Variants in CTTN observed in about 807,000 individuals in gnomAD.
CTTN encodes the protein src substrate cortactin.
Under a neutral mutation model 84.0 loss-of-function variants are expected in CTTN, and 28 were observed. The observed-to-expected ratio is 0.33, with a 90% CI of 0.25 to 0.46. CTTN has a LOEUF of 0.46. Ranked by LOEUF, CTTN falls within the 20% of genes least tolerant of loss-of-function variation. CTTN has a pLI of 1.00. For missense variants in CTTN, 641 were observed against 723.8 expected, an observed-to-expected ratio of 0.89 and a Z score of 1.31; for synonymous variants, 301 against 288.8, an observed-to-expected ratio of 1.04 and a Z score of -0.43.
chr11:70,415,537 C>A, intron 6 of CTTN, 126 bp from the exon 7 acceptor site: 1 of 896,982 alleles, frequency 1.1e-6, no homozygotes, highest in Non-Finnish European at 1.8e-6. Flanking sequence ...GGCTTAGGAA[C>A]CCAGAGGTCA....
At chr11:70,414,707 G>T (rs950086450) in intron 6 of CTTN, 55 bp downstream of exon 6, 2 of 1,337,032 alleles carry the variant, frequency 1.5e-6, no homozygotes, top group African/African-American at 1.4e-5. Context: ...GGCGTTCCCC[G>T]TAGATCTGAG....
At chr11:70,414,152 T>C (rs946130843) in intron 5 of CTTN, among the ~76,000 whole-genome samples, 2 of 152,166 alleles carry the variant, frequency 1.3e-5, no homozygotes, top group Non-Finnish European at 2.9e-5. Flanking sequence ...GAGACCATCC[T>C]GGCTAACACG....
chr11:70,409,100 G>A (rs2058073694), intron 4 of CTTN, among the ~76,000 whole-genome samples: 1 of 152,014 alleles, frequency 6.6e-6, no homozygotes, highest in Admixed American at 6.6e-5. Flanking sequence ...TGCTCATAAG[G>A]GTATTGGGCG....
intron 17 of CTTN, 110 bp from the exon 18 acceptor site, chr11:70,434,916 G>A (rs1490616265): frequency 8.6e-7 from 1 of 1,157,740 alleles, no homozygotes; most frequent in Non-Finnish European, 1.3e-6. Context: ...ATCTCTGCAG[G>A]GGGCATCTCT....
rs1304157449 is a variant in CTTN at position 70,435,715 on chromosome 11, A to G, written c.*553A>G. 4.4e-6 allele frequency: 7 copies of G among 1,597,856 alleles called. No homozygotes were observed. Among genetic ancestry groups the G allele is most frequent in the Admixed American group, 3.3e-5 (2 of 59,932 alleles). On this transcript the variant is annotated 3_prime_UTR_variant, in exon 18 of 18. Coordinates refer to ENST00000301843, the MANE Select transcript of CTTN (RefSeq NM_005231.4). ...GCCATGTCAGATGGGAAATCTGCCT[A>G]TGTCATACCGTGACAGCCCGCAGGA...
At chr11:70,402,437 A>G (rs2057997738) in intron 1 of CTTN, among the ~76,000 whole-genome samples, 1 of 152,204 alleles carries the variant, frequency 6.6e-6, no homozygotes, top group African/African-American at 2.4e-5. Flanking sequence ...GAATAATTTT[A>G]TCACCTCAAA....
intron 13 of CTTN, among the ~76,000 whole-genome samples, chr11:70,428,632 A>T (rs551928840): frequency 6.6e-5 from 10 of 152,194 alleles, no homozygotes; most frequent in African/African-American, 2.2e-4. Flanking sequence ...CATTTTTGTC[A>T]CACACAATAT....
chr11:70,433,179 G>A lies in CTTN; in HGVS notation c.1345G>A (p.Glu449Lys). The part of the protein sequence containing the change: ...GTEPEPVYSM[E>K]AADYREASSQ... ...GGAGCCGGAGCCCGTGTACAGCATG[G>A]AGGCCGCTGACTACCGAGAGGCCAG... is the stretch of plus-strand genomic sequence containing the variant. The change falls in exon 16 of 18, where the codon GAG becomes AAG. Residue 449 changes from glutamate to lysine, a missense_variant. This residue lies in a region of CTTN where 289 missense variants were observed against 273.1 expected (regional missense o/e 1.06). Transcript: ENST00000301843. 6.2e-7 allele frequency: 1 copy of A among 1,613,688 alleles called. No individual in the cohort carries two copies. Among genetic ancestry groups the A allele is most frequent in the South Asian group, 1.1e-5 (1 of 91,080 alleles).
Position 70,415,686 on chromosome 11 carries a change from G to T in CTTN, c.426G>T (p.Gln142His), listed in dbSNP as rs1222995906. ...VDQSAVGFEY[Q>H]GKTEKHASQK... ...AGTCTGCTGTAGGCTTTGAATACCA[G>T]GGGAAGACTGAGAAGCATGCCTCCC... The change falls in exon 7 of 18, where the codon CAG (glutamine) becomes CAT (histidine). Residue 142 changes from glutamine to histidine, a missense_variant. Transcript: ENST00000301843. The T allele has an allele frequency of 5.0e-6, 8 of 1,614,174 alleles. No homozygotes were observed. Among genetic ancestry groups the T allele is most frequent in the Non-Finnish European group, 5.9e-6 (7 of 1,179,986 alleles).
chr11:70,429,665 C>G (rs552666740), intron 14 of CTTN, among the ~76,000 whole-genome samples: 1 of 152,240 alleles, frequency 6.6e-6, no homozygotes, highest in African/African-American at 2.4e-5. Context: ...CCAGCCCAGC[C>G]CCGCTCACCC....
chr11:70,426,354 T>C (rs2058300485), intron 13 of CTTN, among the ~76,000 whole-genome samples: 1 of 146,764 alleles, frequency 6.8e-6, no homozygotes, highest in African/African-American at 2.5e-5. Flanking sequence ...GAGCTTGCAG[T>C]GAGCGGAGTT....
Position 70,417,110 on chromosome 11 carries a change from C to T in CTTN, c.555C>T (p.His185=), listed in dbSNP as rs772820741. The T allele has an allele frequency of 6.8e-6, 11 of 1,613,858 alleles. No individual in the cohort carries two copies. Among genetic ancestry groups the T allele is most frequent in the African/African-American group, 4.0e-5 (3 of 74,906 alleles). The change falls in exon 8 of 18, where the codon CAC becomes CAT. Residue 185 remains histidine (H), a synonymous_variant. Coordinates refer to ENST00000301843, the MANE Select transcript of CTTN (RefSeq NM_005231.4). ...GFDYQGKTEK[H]ESQRDYSKGF... The stretch of plus-strand genomic sequence containing the variant: ...ACTACCAGGGCAAGACGGAGAAGCA[C>T]GAGTCACAGAGAGGTGGGGCGGACC...
At position 70,435,947 on chromosome 11, in the gene CTTN, G is replaced by A. The variant is rs921612546; in HGVS notation, c.*785G>A. On this transcript the variant is annotated 3_prime_UTR_variant, in exon 18 of 18. Coordinates refer to ENST00000301843, the MANE Select transcript of CTTN (RefSeq NM_005231.4). ...GACGCACAGTGCAGTTGAGGTCTGC[G>A]TCGGGCTTGGCTTTTCACAAAGGCT... is the stretch of plus-strand genomic sequence containing the variant. The A allele has an allele frequency of 7.7e-6, 11 of 1,437,408 alleles. No individual in the cohort carries two copies. In the Admixed American group the frequency reaches 8.7e-5, roughly 11 times the overall value. 89.0% of individuals were successfully genotyped at this position (1,437,408 alleles called of 1,614,324 possible). A position where few individuals can be genotyped will look rare whatever the true frequency, so the allele number is the denominator to read the frequency against.
intron 7 of CTTN, 185 bp downstream of exon 7, chr11:70,415,902 G>A (rs2058152865): frequency 9.6e-6 from 6 of 623,010 alleles, no homozygotes; most frequent in Middle Eastern, 4.5e-4. Context: ...CATGTTTCTG[G>A]ATCATCTGGA....
At chr11:70,431,412 C>A (rs1249589182) in intron 15 of CTTN, 132 bp downstream of exon 15, 1 of 956,234 alleles carries the variant, frequency 1.0e-6, no homozygotes, top group East Asian at 2.5e-5. Flanking sequence ...GCATTCCACG[C>A]CCGGAGAGGG....
intron 14 of CTTN, 101 bp from the exon 15 acceptor site, chr11:70,431,090 G>A: frequency 8.1e-7 from 1 of 1,236,950 alleles, no homozygotes; most frequent in Non-Finnish European, 1.2e-6. Context: ...CCTTTCCCCA[G>A]AGCATGCCTA....
At position 70,409,971 on chromosome 11, in the gene CTTN, C is replaced by T. The variant is rs763044435; in HGVS notation, c.291+11C>T. The T allele has an allele frequency of 6.8e-6, 11 of 1,613,618 alleles. No individual in the cohort carries two copies. The highest frequency in any genetic ancestry group is 3.3e-5 in the South Asian group (3 of 91,078). On this transcript the variant is annotated intron_variant, in intron 5 of 17. Transcript: ENST00000301843. ...GACCGAATGGATAAGGTAAGTGGCC[C>T]GCGGCTGCCTATGCCAGGCTCCTGG...
At chr11:70,414,229 C>CA (rs1157072977) in intron 5 of CTTN, among the ~76,000 whole-genome samples, 2 of 152,086 alleles carry the variant, frequency 1.3e-5, no homozygotes, top group Non-Finnish European at 2.9e-5. Context: ...CCTATAGTCC[C>CA]AGCTACTCGG....
intron 4 of CTTN, among the ~76,000 whole-genome samples, chr11:70,409,210 C>T: frequency 6.6e-6 from 1 of 152,068 alleles, no homozygotes. Context: ...GTCCGAATGC[C>T]AAAGTGGCCT....
Sources: gnomAD v4.1 joint callset for allele counts (sites outside exome capture counted in the v4.1 genomes callset) on GRCh38, gnomAD v4.1.1 for gene constraint, gnomAD v4.1.1 regional missense constraint, MANE v1.5 for transcripts, NCBI Gene and HGNC (gene_info 2026-07-23, HGNC 2026-07-21) for gene names.